PDS5B: variants seen among roughly 807,000 people sequenced by gnomAD.
The protein encoded by PDS5B is sister chromatid cohesion protein PDS5 homolog B.
Under a neutral mutation model 184.1 loss-of-function variants are expected in PDS5B, and 51 were observed. That is an observed-to-expected ratio of 0.28 (90% CI 0.22 to 0.35). The LOEUF is 0.35. Among genes scored for constraint, PDS5B ranks in the 10% least tolerant of loss-of-function variants. The pLI, the probability that PDS5B is intolerant of heterozygous loss-of-function variation, is 1.00. For missense variants in PDS5B, 1,180 were observed against 1,723.3 expected (o/e 0.68, Z 5.58); for synonymous variants, 566 against 569.2 (o/e 0.99, Z 0.08).
Position 32,758,133 on chromosome 13 carries a change from A to G in PDS5B, c.3103A>G (p.Asn1035Asp). 1 of 1,538,580 alleles carries G rather than the reference A, an allele frequency of 6.5e-7. No individual in the cohort carries two copies. The highest frequency in any genetic ancestry group is 8.9e-7 in the Non-Finnish European group (1 of 1,129,676). The change falls in exon 27 of 35, where the codon AAC becomes GAC. Residue 1035 changes from asparagine to aspartate, a missense_variant. By Grantham distance (23) the Asn-to-Asp change is conservative. This residue lies in a region of PDS5B where 465 missense variants were observed against 497.8 expected (regional missense o/e 0.93). Transcript: ENST00000315596. Reference sequence around the variant, plus strand: ...AATATTAATGGCTAAAAATGAAAATAACAGTCACGCTTTTATCAGAAAGAT... The same window carrying G: ...AATATTAATGGCTAAAAATGAAAATGACAGTCACGCTTTTATCAGAAAGAT... ...LEILMAKNEN[N>D]SHAFIRKMVE...
intron 19 of PDS5B, among the ~76,000 whole-genome samples, chr13:32,728,936 A>T (rs867236384): frequency 2.2e-4 from 33 of 152,208 alleles, no homozygotes; most frequent in South Asian, 6.2e-4. Context: ...CTTCTTTTTT[A>T]AAAAAATTAA....
At chr13:32,727,786 AT>A (rs1952962170) in intron 19 of PDS5B, among the ~76,000 whole-genome samples, 1 of 151,846 alleles carries the variant, frequency 6.6e-6, no homozygotes, top group Non-Finnish European at 1.5e-5. Flanking sequence ...CTTGAGGTTT[AT>A]TGAGATTCTT....
intron 26 of PDS5B, 56 bp downstream of exon 26, chr13:32,756,012 A>G: frequency 1.2e-6 from 1 of 818,544 alleles, no homozygotes; most frequent in East Asian, 2.5e-5. Flanking sequence ...TTTCTCCTTA[A>G]TGCTGATAAT....
intron 19 of PDS5B, among the ~76,000 whole-genome samples, chr13:32,715,660 C>CCCACGGTCTCCCTCTCCCTCTCTTT (rs1230513864): frequency 1.3e-5 from 2 of 151,992 alleles, no homozygotes; most frequent in South Asian, 2.1e-4. Flanking sequence ...TCTCCCTCTC[C>CCCACGGTCTCCCTCTCCCTCTCTTT]CCACGGTCTC....
intron 1 of PDS5B, among the ~76,000 whole-genome samples, chr13:32,634,583 CT>C (rs34358183): frequency 0.31 from 43,361 of 138,302 alleles, 7,208 homozygotes; most frequent in African/African-American, 0.5. Flanking sequence ...TTACATTTAA[CT>C]TTTTTTTTTT....
intron 19 of PDS5B, among the ~76,000 whole-genome samples, chr13:32,717,218 T>G (rs1309097107): frequency 2.0e-5 from 3 of 152,114 alleles, no homozygotes; most frequent in Non-Finnish European, 4.4e-5. Flanking sequence ...GAACGGGCCA[T>G]GATGACAATG....
chr13:32,703,354 G>A (rs1951917509), intron 17 of PDS5B, among the ~76,000 whole-genome samples: 1 of 152,130 alleles, frequency 6.6e-6, no homozygotes, highest in Non-Finnish European at 1.5e-5. Flanking sequence ...AAAGTATATT[G>A]TGGACAAAGA....
intron 1 of PDS5B, among the ~76,000 whole-genome samples, chr13:32,609,290 C>T (rs2058105797): frequency 6.6e-6 from 1 of 152,010 alleles, no homozygotes. Context: ...AGGCTAGCTA[C>T]TATTAGATTG....
At chr13:32,701,295 T>C (rs763254556) in intron 16 of PDS5B, 28 bp from the exon 17 acceptor site, 7 of 1,156,126 alleles carry the variant, frequency 6.1e-6, no homozygotes, top group East Asian at 4.7e-5. Flanking sequence ...AATGTACTTT[T>C]GTAATACTGA....
At chr13:32,741,251 C>G (rs1197132650) in intron 22 of PDS5B, 103 bp downstream of exon 22, 8 of 640,760 alleles carry the variant, frequency 1.2e-5, no homozygotes, top group Non-Finnish European at 2.2e-5. Flanking sequence ...TAAAGTCACT[C>G]AAGTATTTAC....
intron 13 of PDS5B, among the ~76,000 whole-genome samples, chr13:32,692,970 T>G (rs1342476495): frequency 6.6e-6 from 1 of 152,042 alleles, no homozygotes; most frequent in Non-Finnish European, 1.5e-5. Flanking sequence ...TCATCTTTAA[T>G]GAGTAATTTC....
intron 19 of PDS5B, among the ~76,000 whole-genome samples, chr13:32,731,344 A>G (rs555792162): frequency 6.6e-6 from 1 of 152,292 alleles, no homozygotes; most frequent in South Asian, 2.1e-4. Flanking sequence ...TGTTTGAGTT[A>G]TGAAATAATA....
At chr13:32,753,238 G>A (rs1440181473) in intron 24 of PDS5B, 94 bp from the exon 25 acceptor site, 2 of 934,888 alleles carry the variant, frequency 2.1e-6, no homozygotes, top group African/African-American at 1.6e-5. Flanking sequence ...ACTTGCTACT[G>A]TTTACTCTTT....
At chr13:32,697,727 A>C (rs1048419922) in intron 15 of PDS5B, among the ~76,000 whole-genome samples, 1 of 152,134 alleles carries the variant, frequency 6.6e-6, no homozygotes, top group African/African-American at 2.4e-5. Flanking sequence ...TTTGATGTTT[A>C]GAGGTGAGAT....
intron 19 of PDS5B, among the ~76,000 whole-genome samples, chr13:32,715,627 CTCCCTCTCCCTCTCCCTA>C (rs1370027960): frequency 4.6e-5 from 7 of 151,880 alleles, no homozygotes; most frequent in South Asian, 2.1e-4. Context: ...CAGTGTAGCT[CTCCCTCTCCCTCTCCCTA>C]TCCCTCTCCC....
intron 34 of PDS5B, among the ~76,000 whole-genome samples, 199 bp from the exon 35 acceptor site, chr13:32,774,818 G>A (rs951191044): frequency 3.3e-5 from 5 of 152,232 alleles, no homozygotes; most frequent in Middle Eastern, 3.4e-3. Context: ...GGGGAAGTCT[G>A]TGAGCCTGTA....
chr13:32,745,725 T>A (rs1248826338), intron 23 of PDS5B, among the ~76,000 whole-genome samples: 2 of 152,086 alleles, frequency 1.3e-5, no homozygotes, highest in Non-Finnish European at 2.9e-5. Flanking sequence ...CAGGCCACTT[T>A]TTAAAGACAC....
intron 1 of PDS5B, among the ~76,000 whole-genome samples, chr13:32,603,470 C>A (rs2058010031): frequency 6.6e-6 from 1 of 152,152 alleles, no homozygotes; most frequent in African/African-American, 2.4e-5. Flanking sequence ...TGTTTTGGTA[C>A]CAGTACCATG....
At position 32,732,107 on chromosome 13, in the gene PDS5B, G is replaced by A. The variant is rs770440882; in HGVS notation, c.2130G>A (p.Leu710=). 3.7e-6 allele frequency: 6 copies of A among 1,606,014 alleles called. No individual in the cohort carries two copies. The Admixed American group carries it at 5.1e-5, about 14-fold the overall frequency. The change falls in exon 20 of 35, where the codon TTG becomes TTA. Residue 710 remains leucine, a synonymous_variant. Transcript: ENST00000315596. Reference sequence around the variant, plus strand: ...TTTGATTTTTTTTTAATAGAGCCTTGCTTCCTGTTTTACATCACAAATCTA... The same window carrying A: ...TTTGATTTTTTTTTAATAGAGCCTTACTTCCTGTTTTACATCACAAATCTA... The part of the protein sequence containing the change: ...EEDFPHIRSA[L]LPVLHHKSKK...
Sources: allele counts gnomAD v4.1 joint callset (sites outside exome capture counted in the v4.1 genomes callset), GRCh38; gene constraint gnomAD v4.1.1; regional missense constraint gnomAD v4.1.1; transcripts MANE v1.5; gene names NCBI Gene and HGNC (gene_info 2026-07-23, HGNC 2026-07-21).